Variants in NPLOC4 observed in about 807,000 individuals in gnomAD.
NPLOC4 encodes the protein nuclear protein localization protein 4 homolog.
A neutral mutation model predicts 80.6 loss-of-function variants in NPLOC4; 18 were observed. The observed-to-expected ratio is 0.22, with a 90% CI of 0.15 to 0.33. NPLOC4 has a LOEUF of 0.33. NPLOC4 is among the 10% of genes least tolerant of loss of function. The pLI, the probability that NPLOC4 is intolerant of heterozygous loss-of-function variation, is 1.00. For synonymous variants in NPLOC4, 313 were observed against 301.5 expected (o/e 1.04, Z -0.39); for missense variants, 540 against 786.1 (o/e 0.69, Z 3.74).
chr17:81,569,204 T>C, intron 13 of NPLOC4, 93 bp from the exon 14 acceptor site: 1 of 745,544 alleles, frequency 1.3e-6, no homozygotes, highest in Non-Finnish European at 2.4e-6. Flanking sequence ...GAGCCCAAAT[T>C]AACGACTCCT....
chr17:81,608,847 T>A (rs1330021949), intron 5 of NPLOC4, 25 bp from the exon 6 acceptor site: 10 of 1,545,892 alleles, frequency 6.5e-6, no homozygotes, highest in Admixed American at 5.8e-5. Flanking sequence ...AGTAAGCGAG[T>A]GCAGTCTCAC....
Position 81,604,567 on chromosome 17 carries a change from G to C in NPLOC4, c.815C>G (p.Ala272Gly). The C allele has an allele frequency of 6.2e-7, 1 of 1,612,276 alleles. No homozygotes were observed. Among genetic ancestry groups the C allele is most frequent in the South Asian group, 1.1e-5 (1 of 90,710 alleles). ...GTTTACCTGAGGTGGCTCATAAATC[G>C]CAGCCACTTCAGCCCTGATGCCAAG... ...IPLGIRAEVA[A>G]IYEPPQIGTQ... Residue 272 changes from alanine (A) to glycine (G), a missense_variant, in exon 8 of 17, where the codon GCG (alanine) becomes GGG (glycine). By Grantham distance (60) the Ala-to-Gly change is moderately conservative. Around this residue, in one of 6 missense-constraint regions of NPLOC4, gnomAD observed 251 missense variants for 377.5 expected, o/e 0.66. Coordinates refer to ENST00000331134, the MANE Select transcript of NPLOC4 (RefSeq NM_017921.4).
At chr17:81,629,629 GA>G in intron 2 of NPLOC4, 95 bp downstream of exon 2, 1 of 973,782 alleles carries the variant, frequency 1.0e-6, no homozygotes, top group Non-Finnish European at 1.6e-6. Flanking sequence ...TGGGAATAGG[GA>G]AAATAAGAAA....
chr17:81,631,049 TGTAATCCCAGCTACCCGGGAGGCTGAG>T (rs2035914746), intron 1 of NPLOC4, among the ~76,000 whole-genome samples: 1 of 151,890 alleles, frequency 6.6e-6, no homozygotes, highest in African/African-American at 2.4e-5. Flanking sequence ...GGCGGGCACC[TGTAATCCCAGCTACCCGGGAGGCTGAG>T]GCAGGAGAAT....
intron 11 of NPLOC4, among the ~76,000 whole-genome samples, chr17:81,590,831 C>T (rs1008478073): frequency 2.0e-5 from 3 of 152,152 alleles, no homozygotes; most frequent in African/African-American, 7.2e-5. Flanking sequence ...TAGAGCTGGC[C>T]GCCATGAAGC....
chr17:81,632,291 G>T (rs998352869), intron 1 of NPLOC4, among the ~76,000 whole-genome samples: 2 of 150,302 alleles, frequency 1.3e-5, no homozygotes, highest in Non-Finnish European at 3.0e-5. Flanking sequence ...ATTTTTTATA[G>T]TGAAACATTT....
intron 12 of NPLOC4, among the ~76,000 whole-genome samples, chr17:81,588,400 C>A (rs1194018490): frequency 1.3e-5 from 2 of 152,222 alleles, no homozygotes; most frequent in Non-Finnish European, 2.9e-5. Flanking sequence ...CGCTCTGTCA[C>A]CCAGGCCTGT....
At chr17:81,632,079 G>A (rs948432327) in intron 1 of NPLOC4, among the ~76,000 whole-genome samples, 3 of 151,910 alleles carry the variant, frequency 2.0e-5, no homozygotes, top group Non-Finnish European at 4.4e-5. Flanking sequence ...AGGTTCAGGC[G>A]ATTCTCCTGT....
rs549142741 is a variant in NPLOC4, at chr17:81,558,164, C to G, written c.*1095G>C. 2.6e-5 allele frequency: 4 copies of G among 152,430 alleles called. No individual in the cohort carries two copies. The highest frequency in any genetic ancestry group is 7.2e-5 in the African/African-American group (3 of 41,452). The allele number at this position is 152,430 out of a possible 1,614,324, so 9.4% of individuals were successfully genotyped here. A position where few individuals can be genotyped will look rare whatever the true frequency, so the allele number is the denominator to read the frequency against. On this transcript the variant is annotated 3_prime_UTR_variant, in exon 17 of 17. Coordinates refer to ENST00000331134, the MANE Select transcript of NPLOC4 (RefSeq NM_017921.4). ...GACCCCACCACGTGCTGTTCCAGAT[C>G]GCCCAGTCTCCCTCTATTGGTACAC...
In NPLOC4 at chr17:81,557,647, T is replaced by A. The variant is rs1176305588; in HGVS notation, c.*1612A>T. On this transcript the variant is annotated 3_prime_UTR_variant, in exon 17 of 17. Transcript: ENST00000331134. ...AGAGGAGACAGCAGAGGACAAAACT[T>A]CAGTGTGACAGCTGCTAGGAGGGAG... 6.6e-6 allele frequency: 1 copy of A among 152,218 alleles called. No homozygotes were observed. Among genetic ancestry groups the A allele is most frequent in the Non-Finnish European group, 1.5e-5 (1 of 68,082 alleles). 9.4% of individuals were successfully genotyped at this position (152,218 alleles called of 1,614,324 possible).
intron 2 of NPLOC4, among the ~76,000 whole-genome samples, chr17:81,626,577 G>A (rs1009016550): frequency 1.3e-5 from 2 of 152,088 alleles, no homozygotes; most frequent in African/African-American, 2.4e-5. Context: ...CGCGGCTCCC[G>A]CCTGGAATCC....
At chr17:81,571,453 C>T (rs1479468514) in intron 13 of NPLOC4, among the ~76,000 whole-genome samples, 1 of 152,212 alleles carries the variant, frequency 6.6e-6, no homozygotes, top group Non-Finnish European at 1.5e-5. Flanking sequence ...TTTGTGGCTC[C>T]TGGAGTTCCA....
chr17:81,632,020 C>T (rs1364658995), intron 1 of NPLOC4, among the ~76,000 whole-genome samples: 1 of 151,712 alleles, frequency 6.6e-6, no homozygotes, highest in Non-Finnish European at 1.5e-5. Flanking sequence ...AGTGCAGTGG[C>T]GCAATCTCGG....
intron 15 of NPLOC4, chr17:81,566,956 G>A (rs2034029504): frequency 5.8e-6 from 1 of 173,904 alleles, no homozygotes; most frequent in African/African-American, 2.4e-5. Flanking sequence ...GCAGCTGTGA[G>A]CTTGGGGTCT....
At chr17:81,631,751 A>G (rs765740346) in intron 1 of NPLOC4, among the ~76,000 whole-genome samples, 23 of 151,950 alleles carry the variant, frequency 1.5e-4, no homozygotes, top group Non-Finnish European at 3.1e-4. Context: ...GGTGCATTCT[A>G]TAGCTTCTTT....
chr17:81,575,339 G>A (rs2034269751), intron 12 of NPLOC4, among the ~76,000 whole-genome samples: 1 of 152,204 alleles, frequency 6.6e-6, no homozygotes, highest in African/African-American at 2.4e-5. Flanking sequence ...CTGACCTCAT[G>A]ATCCACCCGC....
chr17:81,606,575 A>G, intron 7 of NPLOC4, 116 bp downstream of exon 7: 5 of 1,083,736 alleles, frequency 4.6e-6, no homozygotes, highest in Non-Finnish European at 6.6e-6. Flanking sequence ...GTCCATCAAA[A>G]AGTACTGAAA....
chr17:81,580,488 T>C lies in NPLOC4; in HGVS notation c.1282-8400A>G, dbSNP rs9912384. ...GAAGCCCTCATCTCACTTCCAACCA[T>C]AGATTCAGCTTCCAAGGGCCCCTCC... On this transcript the variant is annotated intron_variant, in intron 12 of 16. Coordinates refer to ENST00000331134, the MANE Select transcript of NPLOC4 (RefSeq NM_017921.4). This position sits in a 1 kb window ranked among gnomAD's most constrained non-coding sequence, Gnocchi z 4.4. Among the ~76,000 whole-genome samples, 21,774 of 152,062 alleles carry C rather than the reference T, an allele frequency of 0.14. 1,859 individuals are homozygous for C. Among genetic ancestry groups the C allele is most frequent in the Admixed American group, 0.23 (3,527 of 15,284 alleles).
intron 2 of NPLOC4, among the ~76,000 whole-genome samples, chr17:81,628,608 T>A (rs2035857804): frequency 6.6e-6 from 1 of 152,060 alleles, no homozygotes. Flanking sequence ...CAAACCTACC[T>A]ACAACAAAGG....
Sources: allele counts gnomAD v4.1 joint callset (sites outside exome capture counted in the v4.1 genomes callset), GRCh38; gene constraint gnomAD v4.1.1; regional missense constraint gnomAD v4.1.1; non-coding constraint Gnocchi (gnomAD v3.1); transcripts MANE v1.5; gene names NCBI Gene and HGNC (gene_info 2026-07-23, HGNC 2026-07-21).